The following TRAFD1 variants were observed in gnomAD, a reference collection of about 807,000 sequenced individuals.
TRAFD1 encodes the protein TRAF-type zinc finger domain-containing protein 1.
In TRAFD1, 38 loss-of-function variants were observed where a neutral mutation model predicts 65.3. The observed-to-expected ratio is 0.58, with a 90% CI of 0.45 to 0.76. The LOEUF is 0.76. TRAFD1 is among the 30% of genes least tolerant of loss of function. The pLI is 0.00. For synonymous variants in TRAFD1, 223 were observed against 257.2 expected (o/e 0.87, Z 1.27); for missense variants, 631 against 712.6 (o/e 0.89, Z 1.30).
chr12:112,142,825 C>G (rs543375611), intron 6 of TRAFD1, among the ~76,000 whole-genome samples: 2 of 151,896 alleles, frequency 1.3e-5, no homozygotes, highest in South Asian at 4.2e-4. Flanking sequence ...TCAAATAGTT[C>G]AGGGGAAAAA....
chr12:112,141,203 G>T lies in TRAFD1; in HGVS notation c.622G>T (p.Val208Phe), dbSNP rs2030080876. The part of the protein sequence containing the change: ...TTNQRNITAQ[V>F]SIQNNLFEEQ... ...CAACCAAAGGAACATTACAGCCCAG[G>T]TTTCAATTCAGAATAATCTGTGTGA... is the stretch of plus-strand genomic sequence containing the variant. Residue 208 changes from valine (V) to phenylalanine (F), a missense_variant, in exon 5 of 12, where the codon GTT becomes TTT. Val to Phe is a conservative substitution (Grantham distance 50). Transcript: ENST00000412615. 6.2e-7 allele frequency: 1 copy of T among 1,614,044 alleles called. No individual in the cohort carries two copies. The highest frequency in any genetic ancestry group is 1.3e-5 in the African/African-American group (1 of 75,040).
intron 8 of TRAFD1, among the ~76,000 whole-genome samples, chr12:112,148,614 A>G (rs1473338307): frequency 1.3e-5 from 2 of 152,198 alleles, no homozygotes; most frequent in Non-Finnish European, 2.9e-5. Context: ...CCTGCTTTTC[A>G]CCAGGTGGGT....
chr12:112,132,421 A>G (rs529365629), intron 2 of TRAFD1, among the ~76,000 whole-genome samples: 1 of 152,376 alleles, frequency 6.6e-6, no homozygotes, highest in South Asian at 2.1e-4. Context: ...TACCACCAGT[A>G]ATGTATTAAA....
At chr12:112,126,578 G>T (rs1367870791) in intron 1 of TRAFD1, among the ~76,000 whole-genome samples, 1 of 152,090 alleles carries the variant, frequency 6.6e-6, no homozygotes, top group Admixed American at 6.5e-5. Context: ...CTTAGAGTTG[G>T]CCAGAGTGGG....
chr12:112,132,523 T>C (rs1326043470), intron 2 of TRAFD1, among the ~76,000 whole-genome samples: 1 of 152,236 alleles, frequency 6.6e-6, no homozygotes, highest in African/African-American at 2.4e-5. Flanking sequence ...AGCTAAAAAT[T>C]TGAGAGAAAT....
rs2079564156 is a variant in TRAFD1, at chr12:112,130,977, A to G, written c.47+408A>G. Among the ~76,000 whole-genome samples, 1 of 152,264 alleles carries G rather than the reference A, an allele frequency of 6.6e-6. No homozygotes were observed. Among genetic ancestry groups the G allele is most frequent in the Admixed American group, 6.5e-5 (1 of 15,284 alleles). On this transcript the variant is annotated intron_variant, in intron 2 of 11. Coordinates refer to ENST00000412615, the MANE Select transcript of TRAFD1 (RefSeq NM_006700.3). The surrounding 1 kb of genome is among the most constrained non-coding windows in gnomAD (Gnocchi z 4.4). ...GAAAGAGATGTGGAATAAGGAAAAT[A>G]GTTTAACTCATTGGTGGAATATTTG...
At chr12:112,140,629 T>C (rs1240637391) in intron 4 of TRAFD1, among the ~76,000 whole-genome samples, 190 bp from the exon 5 acceptor site, 2 of 152,098 alleles carry the variant, frequency 1.3e-5, no homozygotes, top group Admixed American at 1.3e-4. Flanking sequence ...TATTTTCCTT[T>C]ATAGAACATT....
chr12:112,149,788 A>T lies in TRAFD1; in HGVS notation c.1196A>T (p.His399Leu). 1 of 1,614,170 alleles carries T rather than the reference A, an allele frequency of 6.2e-7. No individual in the cohort carries two copies. Among genetic ancestry groups the T allele is most frequent in the East Asian group, 2.2e-5 (1 of 44,886 alleles). Residue 399 changes from histidine to leucine, a missense_variant, in exon 9 of 12, where the codon CAT (histidine) becomes CTT (leucine). His to Leu is a moderately conservative substitution (Grantham distance 99). Transcript: ENST00000412615. ...CDQRPATATN[H>L]VTEGIPRLDS... ...CAACGCCCAGCCACTGCAACCAACCATGTGACAGAGGGGATTCCTAGACTG... is the reference window on the plus strand; with the variant it reads ...CAACGCCCAGCCACTGCAACCAACCTTGTGACAGAGGGGATTCCTAGACTG...
chr12:112,148,269 G>A lies in TRAFD1; in HGVS notation c.1123G>A (p.Val375Ile). 1 of 1,614,154 alleles carries A rather than the reference G, an allele frequency of 6.2e-7. No homozygotes were observed. Among genetic ancestry groups the A allele is most frequent in the Non-Finnish European group, 8.5e-7 (1 of 1,180,004 alleles). Residue 375 changes from valine to isoleucine, a missense_variant, in exon 8 of 12, where the codon GTA becomes ATA. Coordinates refer to ENST00000412615, the MANE Select transcript of TRAFD1 (RefSeq NM_006700.3). The stretch of plus-strand genomic sequence containing the variant: ...CATTATCCCATGTGAATTCTGTGGG[G>A]TACAGCTGGAAGAGGAGGTGCTGTT... ...SIIIPCEFCGVQLEEEVLFHH... is the reference protein window; with the variant it reads ...SIIIPCEFCGIQLEEEVLFHH...
intron 9 of TRAFD1, 37 bp downstream of exon 9, chr12:112,149,908 CTACTGCTGGCTCCGGCCTGTT>C (rs755477949): frequency 6.2e-7 from 1 of 1,611,658 alleles, no homozygotes; most frequent in Non-Finnish European, 8.5e-7. Context: ...GGCCGCAGGT[CTACTGCTGGCTCCGGCCTGTT>C]TACCACTTCC....
rs1467310422 is a variant in TRAFD1 at position 112,153,345 on chromosome 12, GC to G, written c.*555del. ...TGAGCTGGAGGTGAGTGGACCGGGG[GC>G]TGTGTTTTAAGCTGCTTCCTTGGCA... On this transcript the variant is annotated 3_prime_UTR_variant, in exon 12 of 12. Coordinates refer to ENST00000412615, the MANE Select transcript of TRAFD1 (RefSeq NM_006700.3). The G allele has an allele frequency of 2.0e-5, 3 of 152,904 alleles. No individual in the cohort carries two copies. Among genetic ancestry groups the G allele is most frequent in the Non-Finnish European group, 2.9e-5 (2 of 68,552 alleles). 9.5% of individuals were successfully genotyped at this position (152,904 alleles called of 1,614,324 possible).
At position 112,137,772 on chromosome 12, in the gene TRAFD1, TAAATAA is replaced by T. The variant is rs1172787867; in HGVS notation, c.237+2714_237+2719del. Among the ~76,000 whole-genome samples the T allele has an allele frequency of 1.8e-4, 27 of 151,972 alleles. No homozygotes were observed. Among genetic ancestry groups the T allele is most frequent in the Non-Finnish European group, 5.9e-5 (4 of 67,952 alleles). On this transcript the variant is annotated intron_variant, in intron 4 of 11. Coordinates refer to ENST00000412615, the MANE Select transcript of TRAFD1 (RefSeq NM_006700.3). The surrounding 1 kb of genome is among the most constrained non-coding windows in gnomAD (Gnocchi z 4.2). ...GCGAGACTCCGTCTAAAAAAATAAA[TAAATAA>T]AAATAAATAAATAAAAATCCAAACA...
intron 1 of TRAFD1, among the ~76,000 whole-genome samples, chr12:112,127,041 TTC>T: frequency 6.6e-6 from 1 of 152,336 alleles, no homozygotes. Flanking sequence ...CCAATATTCT[TTC>T]TGTCTGATAT....
In TRAFD1 at chr12:112,142,263, A is replaced by G; in HGVS notation, c.818A>G (p.His273Arg). Residue 273 changes from histidine to arginine, a missense_variant, in exon 6 of 12, where the codon CAT (histidine) becomes CGT (arginine). Physicochemically the swap from His to Arg is conservative, Grantham distance 29 (BLOSUM62 0). Transcript: ENST00000412615. ...WRAVCEADQS[H>R]GGPRSLSDIK... ...GCCGTATGTGAGGCCGACCAGTCTC[A>G]TGGCGGTCCCAGGTCTCTCAGTGAC... The G allele has an allele frequency of 6.2e-7, 1 of 1,613,594 alleles. No homozygotes were observed. Among genetic ancestry groups the G allele is most frequent in the East Asian group, 2.2e-5 (1 of 44,870 alleles).
chr12:112,132,050 G>T (rs2079568487), intron 2 of TRAFD1, among the ~76,000 whole-genome samples: 1 of 152,056 alleles, frequency 6.6e-6, no homozygotes, highest in Non-Finnish European at 1.5e-5. Context: ...GTAAATGCTA[G>T]ACATTTAGTG....
chr12:112,141,288 G>A lies in TRAFD1; in HGVS notation c.643+64G>A, dbSNP rs764085797. The stretch of plus-strand genomic sequence containing the variant: ...AAAATCCCAAGGCAAATGGGAACAG[G>A]GCTTTGGGGCCAGATAGATCTTGAT... On this transcript the variant is annotated intron_variant, in intron 5 of 11. Transcript: ENST00000412615. 7.7e-6 allele frequency: 12 copies of A among 1,562,778 alleles called. No individual in the cohort carries two copies. In the Admixed American group the frequency reaches 2.2e-4, roughly 28 times the overall value.
Position 112,145,657 on chromosome 12 carries a change from C to T in TRAFD1, c.922C>T (p.His308Tyr). 1 of 1,613,968 alleles carries T rather than the reference C, an allele frequency of 6.2e-7. No homozygotes were observed. Among genetic ancestry groups the T allele is most frequent in the Non-Finnish European group, 8.5e-7 (1 of 1,179,956 alleles). Residue 308 changes from histidine (H) to tyrosine (Y), a missense_variant, in exon 7 of 12, where the codon CAT becomes TAT. By Grantham distance (83) the His-to-Tyr change is moderately conservative (BLOSUM62 2). Coordinates refer to ENST00000412615, the MANE Select transcript of TRAFD1 (RefSeq NM_006700.3). The stretch of plus-strand genomic sequence containing the variant: ...CTACCCAGAGGAACTGCTGATTGAC[C>T]ATCAGGTGTGTTATGAATTACTTGA... ...ELYPEELLID[H>Y]QTSCNPSRAL...
intron 4 of TRAFD1, among the ~76,000 whole-genome samples, chr12:112,135,574 T>A (rs943080102): frequency 7.2e-5 from 11 of 151,940 alleles, no homozygotes; most frequent in African/African-American, 2.4e-4. Context: ...GCTGGGATTA[T>A]AGGCGCCCAC....
At position 112,152,552 on chromosome 12, in the gene TRAFD1, G is replaced by C; in HGVS notation, c.1692+53G>C. On this transcript the variant is annotated intron_variant, in intron 11 of 11. Coordinates refer to ENST00000412615, the MANE Select transcript of TRAFD1 (RefSeq NM_006700.3). This position sits in a 1 kb window ranked among gnomAD's most constrained non-coding sequence, Gnocchi z 5.0. ...CAGTGGGGGACTCAGACATGGTGGG[G>C]CTTGTGTGGCTCCTGAAGTTGTAGA... 2.5e-6 allele frequency: 4 copies of C among 1,606,722 alleles called. No homozygotes were observed. The highest frequency in any genetic ancestry group is 3.4e-6 in the Non-Finnish European group (4 of 1,173,954).
Sources: gnomAD v4.1 joint callset for allele counts (sites outside exome capture counted in the v4.1 genomes callset) on GRCh38, gnomAD v4.1.1 for gene constraint, Gnocchi (gnomAD v3.1) non-coding constraint, MANE v1.5 for transcripts, NCBI Gene and HGNC (gene_info 2026-07-23, HGNC 2026-07-21) for gene names.